Variants in CDK5RAP2 observed in about 807,000 individuals in gnomAD.
CDK5RAP2 encodes the protein CDK5 regulatory subunit-associated protein 2.
Under a neutral mutation model 232.9 loss-of-function variants are expected in CDK5RAP2, and 147 were observed. That is an observed-to-expected ratio of 0.63 (90% CI 0.55 to 0.72). The LOEUF is 0.72. Among genes scored for constraint, CDK5RAP2 ranks in the 30% least tolerant of loss-of-function variants. CDK5RAP2 has a pLI of 0.00. For missense variants in CDK5RAP2, 2,195 were observed against 2,231.5 expected (o/e 0.98, Z 0.33); for synonymous variants, 833 against 833.7 (o/e 1.00, Z 0.01).
intron 25 of CDK5RAP2, among the ~76,000 whole-genome samples, chr9:120,429,101 C>T (rs190286387): frequency 8.3e-4 from 126 of 152,284 alleles, no homozygotes; most frequent in Non-Finnish European, 1.5e-3. Context: ...ATTGATCGAA[C>T]GTTATCTCAA....
intron 18 of CDK5RAP2, among the ~76,000 whole-genome samples, chr9:120,462,002 A>T (rs759854884): frequency 6.6e-6 from 1 of 152,200 alleles, no homozygotes; most frequent in African/African-American, 2.4e-5. Flanking sequence ...ATAGCTCTCC[A>T]GCCCAACTCT....
chr9:120,488,481 C>T (rs2038728120), intron 13 of CDK5RAP2, among the ~76,000 whole-genome samples: 1 of 152,132 alleles, frequency 6.6e-6, no homozygotes, highest in South Asian at 2.1e-4. Context: ...TCTCCCTCTC[C>T]TCTCTTCTCA....
At chr9:120,397,545 AAAAAAAAAAAAAAAAAAAAAG>A (rs1042060057) in intron 35 of CDK5RAP2, among the ~76,000 whole-genome samples, 72 of 104,748 alleles carry the variant, frequency 6.9e-4, no homozygotes, top group Middle Eastern at 9.3e-3. Flanking sequence ...AAACATTCTT[AAAAAAAAAAAAAAAAAAAAAG>A]AAAAAAGAAA....
chr9:120,503,350 G>A (rs1288046782), intron 12 of CDK5RAP2, among the ~76,000 whole-genome samples: 1 of 152,140 alleles, frequency 6.6e-6, no homozygotes, highest in African/African-American at 2.4e-5. Context: ...ATAGGGGGAG[G>A]GCAGGTTTGT....
intron 11 of CDK5RAP2, 108 bp from the exon 12 acceptor site, chr9:120,518,753 G>A: frequency 1.2e-6 from 1 of 816,464 alleles, no homozygotes. Flanking sequence ...AAAAGAAAAA[G>A]ATTAACATAG....
At chr9:120,470,073 A>G in intron 17 of CDK5RAP2, 38 bp downstream of exon 17, 1 of 1,036,604 alleles carries the variant, frequency 9.6e-7, no homozygotes, top group East Asian at 2.5e-5. Flanking sequence ...AATCTAACAA[A>G]AAGAAAAGAA....
At position 120,404,112 on chromosome 9, in the gene CDK5RAP2, A is replaced by T; in HGVS notation, c.4965T>A (p.Asp1655Glu). 6.2e-7 allele frequency: 1 copy of T among 1,607,640 alleles called. No individual in the cohort carries two copies. The highest frequency in any genetic ancestry group is 8.5e-7 in the Non-Finnish European group (1 of 1,174,064). ...CACTTTCCATGGGATATTTGTCACC[A>T]TCTACAAAATGCAAAACACGAGAAC... ...PEVPLQPDKH[D>E]GDKYPMESDN... Residue 1655 changes from aspartate to glutamate, a missense_variant and splice_region_variant, in exon 33 of 38, where the codon GAT (aspartate) becomes GAA (glutamate). Asp to Glu is a conservative substitution (Grantham distance 45). Transcript: ENST00000349780.
intron 14 of CDK5RAP2, among the ~76,000 whole-genome samples, chr9:120,483,371 C>T (rs2038427120): frequency 6.6e-6 from 1 of 152,230 alleles, no homozygotes; most frequent in African/African-American, 2.4e-5. Context: ...AACCAAGACA[C>T]CAGACAGCTG....
intron 4 of CDK5RAP2, among the ~76,000 whole-genome samples, chr9:120,547,492 T>C (rs1418085581): frequency 6.6e-6 from 1 of 151,494 alleles, no homozygotes; most frequent in Non-Finnish European, 1.5e-5. Context: ...TAGTCCCAGG[T>C]ATTTGGAAGG....
At chr9:120,402,522 G>T (rs191674257) in intron 34 of CDK5RAP2, among the ~76,000 whole-genome samples, 1 of 152,330 alleles carries the variant, frequency 6.6e-6, no homozygotes, top group African/African-American at 2.4e-5. Flanking sequence ...GGTGCAGATG[G>T]AGAGAAGAAT....
chr9:120,504,751 C>A (rs1011583557), intron 12 of CDK5RAP2, among the ~76,000 whole-genome samples: 1 of 152,192 alleles, frequency 6.6e-6, no homozygotes, highest in Admixed American at 6.5e-5. Context: ...TATCTGCAAC[C>A]AGTCCCCTTC....
At chr9:120,392,229 G>A (rs970960123) in intron 36 of CDK5RAP2, among the ~76,000 whole-genome samples, 2 of 152,070 alleles carry the variant, frequency 1.3e-5, no homozygotes, top group South Asian at 4.2e-4. Flanking sequence ...GAAAACTGGG[G>A]TGCTTTTTAT....
intron 15 of CDK5RAP2, among the ~76,000 whole-genome samples, chr9:120,476,557 T>C (rs1450409027): frequency 2.0e-5 from 3 of 151,784 alleles, no homozygotes; most frequent in Non-Finnish European, 4.4e-5. Context: ...TATGTGCCTG[T>C]AGTCCCAACT....
At chr9:120,565,723 CG>C (rs1193686563) in intron 3 of CDK5RAP2, among the ~76,000 whole-genome samples, 3 of 152,174 alleles carry the variant, frequency 2.0e-5, no homozygotes, top group Non-Finnish European at 2.9e-5. Context: ...TTGACCAAAC[CG>C]TACCTGTCCC....
chr9:120,532,807 T>C (rs1232148285), intron 7 of CDK5RAP2, among the ~76,000 whole-genome samples: 1 of 152,016 alleles, frequency 6.6e-6, no homozygotes, highest in Non-Finnish European at 1.5e-5. Flanking sequence ...CTATGGGAAA[T>C]CCCAGGAAGA....
At chr9:120,476,469 G>A (rs2038015996) in intron 15 of CDK5RAP2, among the ~76,000 whole-genome samples, 1 of 151,970 alleles carries the variant, frequency 6.6e-6, no homozygotes. Context: ...CCTGAGGTCA[G>A]GAGATCAAGA....
intron 23 of CDK5RAP2, among the ~76,000 whole-genome samples, chr9:120,441,340 T>C (rs1242202224): frequency 6.6e-6 from 1 of 152,230 alleles, no homozygotes; most frequent in Non-Finnish European, 1.5e-5. Flanking sequence ...TTTAGTAGCT[T>C]TATCTGTAAA....
intron 3 of CDK5RAP2, among the ~76,000 whole-genome samples, chr9:120,558,056 G>A (rs1275881002): frequency 1.7e-4 from 23 of 136,326 alleles, no homozygotes; most frequent in Non-Finnish European, 1.9e-4. Context: ...GTGAGCCACC[G>A]TGCCCAGCCA....
intron 2 of CDK5RAP2, among the ~76,000 whole-genome samples, chr9:120,571,583 C>T (rs1564391829): frequency 1.3e-5 from 2 of 152,232 alleles, no homozygotes; most frequent in Non-Finnish European, 2.9e-5. Flanking sequence ...AGCCGGCAAA[C>T]AGGATCCAGC....
Sources: allele counts gnomAD v4.1 joint callset (sites outside exome capture counted in the v4.1 genomes callset), GRCh38; gene constraint gnomAD v4.1.1; transcripts MANE v1.5; gene names NCBI Gene and HGNC (gene_info 2026-07-23, HGNC 2026-07-21).